CDT1: variants seen among roughly 807,000 people sequenced by gnomAD.
The protein encoded by CDT1 is chromatin licensing and DNA replication factor 1.
In CDT1, 66 loss-of-function variants were observed where a neutral mutation model predicts 49.3. The ratio of observed to expected loss-of-function variants is 1.34; its 90% CI spans 1.10 to 1.64. The LOEUF (loss-of-function observed/expected upper bound fraction) is 1.64, where lower values mean the gene tolerates loss of function less well. Ranked by LOEUF, CDT1 falls within the 40% of genes most tolerant of loss-of-function variation. CDT1 has a pLI of 0.00. For synonymous variants in CDT1, 424 were observed against 347.4 expected (o/e 1.22, Z -2.45); for missense variants, 958 against 807.7 (o/e 1.19, Z -2.26).
chr16:88,807,236 C>G (rs1259668108), intron 8 of CDT1, 33 bp downstream of exon 8: 1 of 1,610,984 alleles, frequency 6.2e-7, no homozygotes, highest in African/African-American at 1.3e-5. Context: ...GGGTGGGCGC[C>G]TGGTGACCTG....
chr16:88,808,380 C>G lies in CDT1; in HGVS notation c.*102C>G, dbSNP rs183396627. 7.7e-5 allele frequency: 104 copies of G among 1,353,588 alleles called. No homozygotes were observed. The African/African-American group carries it at 1.3e-3, about 17-fold the overall frequency. The allele number at this position is 1,353,588 out of a possible 1,614,324, so 83.8% of individuals were successfully genotyped here. A position where few individuals can be genotyped will look rare whatever the true frequency, so the allele number is the denominator to read the frequency against. ...CATGATACACTTTGGCCTTCCTTTC[C>G]CCAGCGCCCCTGAGGGCCAGAGGCA... is the stretch of plus-strand genomic sequence containing the variant. On this transcript the variant is annotated 3_prime_UTR_variant, in exon 10 of 10. Coordinates refer to ENST00000301019, the MANE Select transcript of CDT1 (RefSeq NM_030928.4).
At position 88,803,789 on chromosome 16, in the gene CDT1, C is replaced by G; in HGVS notation, c.-43C>G. 1 of 1,453,394 alleles carries G rather than the reference C, an allele frequency of 6.9e-7. No individual in the cohort carries two copies. Among genetic ancestry groups the G allele is most frequent in the Non-Finnish European group, 9.3e-7 (1 of 1,080,910 alleles). The allele number at this position is 1,453,394 out of a possible 1,614,324, so 90.0% of individuals were successfully genotyped here. ...TGGCGGGAACCGCGCCCGCCTCTTC[C>G]TCCCTTCCTTCTTTCCTTGCTTTCG... On this transcript the variant is annotated 5_prime_UTR_variant, in exon 1 of 10. Coordinates refer to ENST00000301019, the MANE Select transcript of CDT1 (RefSeq NM_030928.4).
chr16:88,806,768 G>A, intron 7 of CDT1, 94 bp downstream of exon 7: 1 of 1,462,526 alleles, frequency 6.8e-7, no homozygotes, highest in Non-Finnish European at 9.3e-7. Flanking sequence ...TGATGAGCTT[G>A]ACGCCTCATC....
intron 6 of CDT1, 32 bp downstream of exon 6, chr16:88,806,153 T>C: frequency 2.0e-6 from 3 of 1,526,702 alleles, no homozygotes; most frequent in Non-Finnish European, 2.7e-6. Flanking sequence ...TGTGTGAAGA[T>C]GGTGGCACCA....
Position 88,809,231 on chromosome 16 carries a change from T to C in CDT1, c.*953T>C, listed in dbSNP as rs868637954. The C allele has an allele frequency of 3.7e-5, 13 of 350,652 alleles. No homozygotes were observed. The highest frequency in any genetic ancestry group is 2.8e-4 in the South Asian group (13 of 46,950). The allele number at this position is 350,652 out of a possible 1,614,324, so 21.7% of individuals were successfully genotyped here. On this transcript the variant is annotated 3_prime_UTR_variant, in exon 10 of 10. Coordinates refer to ENST00000301019, the MANE Select transcript of CDT1 (RefSeq NM_030928.4). ...CTTCAGTATTTCTGACCTCCTAAAC[T>C]CTAATAAAGTCATGCTTACAGCCAC...
chr16:88,806,798 C>T (rs1020735652), intron 7 of CDT1, 124 bp downstream of exon 7: 44 of 1,326,236 alleles, frequency 3.3e-5, no homozygotes, highest in Middle Eastern at 2.6e-4. Flanking sequence ...CCTTGGCTGG[C>T]GGATCCAGAG....
At position 88,806,528 on chromosome 16, in the gene CDT1, G is replaced by T. The variant is rs752643196; in HGVS notation, c.976G>T (p.Asp326Tyr). 28 of 1,610,642 alleles carry T rather than the reference G, an allele frequency of 1.7e-5. No homozygotes were observed. The highest frequency in any genetic ancestry group is 2.1e-5 in the Non-Finnish European group (25 of 1,179,166). Residue 326 changes from aspartate to tyrosine, a missense_variant, in exon 7 of 10, where the codon GAC becomes TAC. Physicochemically the swap from Asp to Tyr is radical, Grantham distance 160 (BLOSUM62 -3). Coordinates refer to ENST00000301019, the MANE Select transcript of CDT1 (RefSeq NM_030928.4). ...SLSPAMVVPE[D>Y]QLTRWHPRFN... The stretch of plus-strand genomic sequence containing the variant: ...GAGCCCCGCCATGGTGGTGCCGGAG[G>T]ACCAGCTGACCCGCTGGCACCCGCG...
At chr16:88,806,407 TA>T in intron 6 of CDT1, 78 bp from the exon 7 acceptor site, 2 of 1,524,944 alleles carry the variant, frequency 1.3e-6, no homozygotes, top group East Asian at 4.8e-5. Context: ...GGCTGGGACG[TA>T]AGCACAGGCC....
Position 88,806,305 on chromosome 16 carries a change from G to A in CDT1, c.934-181G>A, listed in dbSNP as rs1393975787. 23 of 971,328 alleles carry A rather than the reference G, an allele frequency of 2.4e-5. 1 individual carries two copies. In the South Asian group the frequency reaches 2.6e-4, roughly 11 times the overall value. The allele number at this position is 971,328 out of a possible 1,614,324, so 60.2% of individuals were successfully genotyped here. A position where few individuals can be genotyped will look rare whatever the true frequency, so the allele number is the denominator to read the frequency against. ...CCGCAGGCACTGAGGAGGTCCCCAA[G>A]GCGTTCAGCGAGCGCGGACCATGGG... On this transcript the variant is annotated intron_variant, in intron 6 of 9. Coordinates refer to ENST00000301019, the MANE Select transcript of CDT1 (RefSeq NM_030928.4).
rs762191927 is a variant in CDT1 at position 88,808,161 on chromosome 16, C to A, written c.1524C>A (p.Asp508Glu). ...HLLLLSELLP[D>E]WLSLHRIRTD... ...TGCTCCTCTCCGAGCTGCTGCCGGA[C>A]TGGCTCAGCCTCCACCGCATCCGCA... Residue 508 changes from aspartate to glutamate, a missense_variant, in exon 10 of 10, where the codon GAC becomes GAA. Coordinates refer to ENST00000301019, the MANE Select transcript of CDT1 (RefSeq NM_030928.4). The A allele has an allele frequency of 2.7e-5, 43 of 1,612,842 alleles. No individual in the cohort carries two copies. The highest frequency in any genetic ancestry group is 1.6e-4 in the Middle Eastern group (1 of 6,062).
rs374611513 is a variant in CDT1, at chr16:88,805,815, G to C, written c.778G>C (p.Asp260His). Residue 260 changes from aspartate to histidine, a missense_variant, in exon 5 of 10, where the codon GAT becomes CAT. Transcript: ENST00000301019. Reference protein sequence around the residue: ...RQERSVPTFKDGTRRSDYQLT... With the variant: ...RQERSVPTFKHGTRRSDYQLT... ...GGAGCGCAGTGTCCCCACCTTCAAG[G>C]ATGGCACCAGGAGGTCAGATTACCA... The C allele has an allele frequency of 6.2e-7, 1 of 1,613,056 alleles. No homozygotes were observed. The highest frequency in any genetic ancestry group is 8.5e-7 in the Non-Finnish European group (1 of 1,179,996).
rs775902253 is a variant in CDT1 at position 88,807,163 on chromosome 16, C to T, written c.1235C>T (p.Pro412Leu). Residue 412 changes from proline (P) to leucine (L), a missense_variant, in exon 8 of 10, where the codon CCC (proline) becomes CTC (leucine). By Grantham distance (98) the Pro-to-Leu change is moderately conservative (BLOSUM62 -3). Transcript: ENST00000301019. Reference sequence around the variant, plus strand: ...CCAGCCACCCCGCCTGCAGCCTCTCCCAGTGCTCTGAAGGGGGTGTCCCAG... The same window carrying T: ...CCAGCCACCCCGCCTGCAGCCTCTCTCAGTGCTCTGAAGGGGGTGTCCCAG... ...TPPATPPAASPSALKGVSQDL... is the reference protein window; with the variant it reads ...TPPATPPAASLSALKGVSQDL... 2.5e-6 allele frequency: 4 copies of T among 1,612,430 alleles called. No individual in the cohort carries two copies. The highest frequency in any genetic ancestry group is 3.4e-6 in the Non-Finnish European group (4 of 1,179,870).
At position 88,805,422 on chromosome 16, in the gene CDT1, C is replaced by T. The variant is rs1224959432; in HGVS notation, c.489-18C>T. On this transcript the variant is annotated intron_variant, in intron 3 of 9. Coordinates refer to ENST00000301019, the MANE Select transcript of CDT1 (RefSeq NM_030928.4). ...TAGGGGCCTACTGCTTCTCATGAGG[C>T]TCCTCCCTCCCTGACAGTGGCGAGA... 1.9e-6 allele frequency: 3 copies of T among 1,612,106 alleles called. No homozygotes were observed. Among genetic ancestry groups the T allele is most frequent in the Non-Finnish European group, 2.5e-6 (3 of 1,179,752 alleles).
rs181669796 is a variant in CDT1 at position 88,807,613 on chromosome 16, C to T, written c.1477+131C>T. 192 of 938,156 alleles carry T rather than the reference C, an allele frequency of 2.0e-4. No homozygotes were observed. The African/African-American group carries it at 2.8e-3, about 14-fold the overall frequency. 58.1% of individuals were successfully genotyped at this position (938,156 alleles called of 1,614,324 possible). ...TCAGATGTGCAGTGGGCGCTGGCCTCTTGCACTGGTGTGTCCTGGGCGCTC... is the reference window on the plus strand; with the variant it reads ...TCAGATGTGCAGTGGGCGCTGGCCTTTTGCACTGGTGTGTCCTGGGCGCTC... On this transcript the variant is annotated intron_variant, in intron 9 of 9. Coordinates refer to ENST00000301019, the MANE Select transcript of CDT1 (RefSeq NM_030928.4).
At chr16:88,807,902 G>T (rs1015672735) in intron 9 of CDT1, among the ~76,000 whole-genome samples, 1 of 152,180 alleles carries the variant, frequency 6.6e-6, no homozygotes, top group African/African-American at 2.4e-5. Context: ...CTCCTCACAG[G>T]GCCTCAACTG....
rs747483265 is a variant in CDT1 at position 88,805,715 on chromosome 16, C to A, written c.687-9C>A. The A allele has an allele frequency of 3.2e-5, 51 of 1,612,790 alleles. No individual in the cohort carries two copies. In the South Asian group the frequency reaches 5.6e-4, roughly 18 times the overall value. On this transcript the variant is annotated splice_polypyrimidine_tract_variant and intron_variant, in intron 4 of 9. Coordinates refer to ENST00000301019, the MANE Select transcript of CDT1 (RefSeq NM_030928.4). ...GCCTGCCTCCTGAGCCGCCCCCATC[C>A]TCCCATAGGCGTTTTGAGGAGTGCA...
intron 9 of CDT1, 33 bp downstream of exon 9, chr16:88,807,515 G>A (rs779997523): frequency 1.8e-5 from 28 of 1,593,480 alleles, no homozygotes; most frequent in Non-Finnish European, 2.2e-5. Context: ...GGGCGTGCAG[G>A]GTGGAATTGC....
rs2142940813 is a variant in CDT1, at chr16:88,803,924, C to T, written c.93C>T (p.Ser31=). The change falls in exon 1 of 10, where the codon AGC becomes AGT. Residue 31 remains serine, a synonymous_variant. Coordinates refer to ENST00000301019, the MANE Select transcript of CDT1 (RefSeq NM_030928.4). Reference sequence around the variant, plus strand: ...CCAAGCTGGCCTGCCGCACCCCCAGCCCCGCCAGGCCCGCACTCCGCGCCC... The same window carrying T: ...CCAAGCTGGCCTGCCGCACCCCCAGTCCCGCCAGGCCCGCACTCCGCGCCC... ...APPKLACRTP[S]PARPALRAPA... is the part of the protein sequence containing the mutation. 1.5e-6 allele frequency: 2 copies of T among 1,357,992 alleles called. No homozygotes were observed. The highest frequency in any genetic ancestry group is 3.1e-5 in the Admixed American group (1 of 32,472). 84.1% of individuals were successfully genotyped at this position (1,357,992 alleles called of 1,614,324 possible).
Position 88,804,906 on chromosome 16 carries a change from C to G in CDT1, c.488+8C>G. 6.5e-7 allele frequency: 1 copy of G among 1,550,244 alleles called. No homozygotes were observed. The highest frequency in any genetic ancestry group is 8.7e-7 in the Non-Finnish European group (1 of 1,152,988). Reference sequence around the variant, plus strand: ...CCGCCCTGAGGAGCCATGGTGAGTGCTGGGTGGGCGGCCACGAGGCCCCGG... The same window carrying G: ...CCGCCCTGAGGAGCCATGGTGAGTGGTGGGTGGGCGGCCACGAGGCCCCGG... On this transcript the variant is annotated splice_region_variant and intron_variant, in intron 3 of 9. Coordinates refer to ENST00000301019, the MANE Select transcript of CDT1 (RefSeq NM_030928.4).
Sources: allele counts gnomAD v4.1 joint callset (sites outside exome capture counted in the v4.1 genomes callset), GRCh38; gene constraint gnomAD v4.1.1; transcripts MANE v1.5; gene names NCBI Gene and HGNC (gene_info 2026-07-23, HGNC 2026-07-21).